Variants in IL2RB observed in about 807,000 individuals in gnomAD.
IL2RB encodes interleukin-2 receptor subunit beta.
IL2RB carries 17 observed loss-of-function variants against 44.2 expected under a neutral mutation model. That is an observed-to-expected ratio of 0.38 (90% confidence interval 0.26 to 0.58). The LOEUF is 0.58. Among genes scored for constraint, IL2RB ranks in the 20% least tolerant of loss-of-function variants. IL2RB has a pLI of 0.63. For synonymous variants in IL2RB, 286 were observed against 297.9 expected, an observed-to-expected ratio of 0.96 and a Z score of 0.41; for missense variants, 624 against 685.5, an observed-to-expected ratio of 0.91 and a Z score of 1.00.
chr22:37,128,932 C>T lies in IL2RB; in HGVS notation c.904-84G>A, dbSNP rs1165862551. ...CCTCTGGACTCTCAACAGCTCCTAACTCCTCCTCCTCCTGAAGCAGTTGGC... is the reference window on the plus strand; with the variant it reads ...CCTCTGGACTCTCAACAGCTCCTAATTCCTCCTCCTCCTGAAGCAGTTGGC... On this transcript the variant is annotated intron_variant, in intron 9 of 9. Transcript: ENST00000216223. The surrounding 1 kb of genome is among the most constrained non-coding windows in gnomAD (Gnocchi z 4.5). 9.8e-6 allele frequency: 14 copies of T among 1,423,308 alleles called. No homozygotes were observed. Among genetic ancestry groups the T allele is most frequent in the Non-Finnish European group, 1.3e-5 (14 of 1,066,722 alleles). The allele number at this position is 1,423,308 out of a possible 1,614,324, so 88.2% of individuals were successfully genotyped here.
intron 9 of IL2RB, among the ~76,000 whole-genome samples, chr22:37,129,933 A>T (rs1921340199): frequency 6.6e-6 from 1 of 152,154 alleles, no homozygotes; most frequent in African/African-American, 2.4e-5. Context: ...GGCGGGTCTC[A>T]TGGATCTATT....
At chr22:37,168,209 C>T (rs942510123) in intron 1 of IL2RB, among the ~76,000 whole-genome samples, 2 of 152,162 alleles carry the variant, frequency 1.3e-5, no homozygotes, top group Non-Finnish European at 2.9e-5. Context: ...CTGGCTAAGA[C>T]GTTATTAAAG....
At chr22:37,149,725 C>T in intron 1 of IL2RB, 100 bp downstream of exon 1, 1 of 479,676 alleles carries the variant, frequency 2.1e-6, no homozygotes, top group Non-Finnish European at 2.7e-6. Context: ...GCAGAAACTG[C>T]TGGGGGAACT....
At chr22:37,134,222 G>T (rs228952) in intron 8 of IL2RB, among the ~76,000 whole-genome samples, 26,991 of 152,086 alleles carry the variant, frequency 0.18, 2,916 homozygotes, top group African/African-American at 0.29. Flanking sequence ...CATTTACATG[G>T]TATTAGGTAT....
In IL2RB at chr22:37,125,871, C is replaced by T. The variant is rs1049716392; in HGVS notation, c.*2225G>A. On this transcript the variant is annotated 3_prime_UTR_variant, in exon 10 of 10. Coordinates refer to ENST00000216223, the MANE Select transcript of IL2RB (RefSeq NM_000878.5). Reference sequence around the variant, plus strand: ...CATTGTACTTATTTTGTACAGTTACCTTTTATTTATAGCGAAAATGGGTTT... The same window carrying T: ...CATTGTACTTATTTTGTACAGTTACTTTTTATTTATAGCGAAAATGGGTTT... 24 of 152,024 alleles carry T rather than the reference C, an allele frequency of 1.6e-4. No homozygotes were observed. Among genetic ancestry groups the T allele is most frequent in the African/African-American group, 5.8e-4 (24 of 41,354 alleles). The allele number at this position is 152,024 out of a possible 1,614,324, so 9.4% of individuals were successfully genotyped here.
chr22:37,135,793 G>A lies in IL2RB; in HGVS notation c.704-351C>T, dbSNP rs527426524. ...TTAGAGGACCCCAGGTCTTGCTTGG[G>A]CTTGAACTCGAAATGTGGTGCGATG... is the stretch of plus-strand genomic sequence containing the variant. On this transcript the variant is annotated intron_variant, in intron 7 of 9. Coordinates refer to ENST00000216223, the MANE Select transcript of IL2RB (RefSeq NM_000878.5). 4.0e-3 allele frequency among the ~76,000 whole-genome samples: 611 copies of A among 152,074 alleles called. 5 individuals are homozygous for A. The highest frequency in any genetic ancestry group is 0.014 in the African/African-American group (591 of 41,468).
Position 37,127,815 on chromosome 22 carries a change from A to C in IL2RB, c.*281T>G. 3.3e-6 allele frequency: 1 copy of C among 299,528 alleles called. No individual in the cohort carries two copies. Among genetic ancestry groups the C allele is most frequent in the Non-Finnish European group, 6.2e-6 (1 of 162,156 alleles). 18.6% of individuals were successfully genotyped at this position (299,528 alleles called of 1,614,324 possible). ...GGAGAGGAGCGATGCTTCTGAGCCT[A>C]AATTCGTGGGATCCTGTGATTAACG... On this transcript the variant is annotated 3_prime_UTR_variant, in exon 10 of 10. Transcript: ENST00000216223.
intron 1 of IL2RB, among the ~76,000 whole-genome samples, chr22:37,165,712 A>ATTTTT (rs1307420467): frequency 6.6e-6 from 1 of 151,362 alleles, no homozygotes; most frequent in Non-Finnish European, 1.5e-5. Context: ...ATTTAATTTT[A>ATTTTT]TTATTGTTTG....
intron 1 of IL2RB, among the ~76,000 whole-genome samples, chr22:37,156,458 G>A (rs913957976): frequency 6.6e-6 from 1 of 152,192 alleles, no homozygotes; most frequent in East Asian, 1.9e-4. Context: ...GTGGCTTTAT[G>A]ATGTCAGGAT....
chr22:37,158,141 A>G (rs1922742823), intron 1 of IL2RB, among the ~76,000 whole-genome samples: 1 of 152,176 alleles, frequency 6.6e-6, no homozygotes, highest in Admixed American at 6.5e-5. Context: ...GTGTGTACAA[A>G]GTAACTCCTG....
intron 1 of IL2RB, among the ~76,000 whole-genome samples, chr22:37,158,627 C>T (rs1023420053): frequency 2.0e-5 from 3 of 152,114 alleles, no homozygotes; most frequent in Admixed American, 6.5e-5. Context: ...GGAGAAGAGA[C>T]AAAAAACGAA....
At chr22:37,144,517 G>C (rs1336324499) in intron 1 of IL2RB, among the ~76,000 whole-genome samples, 1 of 152,228 alleles carries the variant, frequency 6.6e-6, no homozygotes, top group Non-Finnish European at 1.5e-5. Context: ...GGTCGAGGCA[G>C]ACGAATCACC....
intron 1 of IL2RB, among the ~76,000 whole-genome samples, chr22:37,173,808 G>T (rs1923364431): frequency 6.6e-6 from 1 of 152,190 alleles, no homozygotes; most frequent in Non-Finnish European, 1.5e-5. Flanking sequence ...TAGCCCTGCT[G>T]CCCCAAGAGC....
chr22:37,158,553 G>A (rs1043435855), intron 1 of IL2RB, among the ~76,000 whole-genome samples: 26 of 152,062 alleles, frequency 1.7e-4, no homozygotes, highest in African/African-American at 4.8e-4. Flanking sequence ...GCAAGACTCC[G>A]TCTAAAAAAA....
At chr22:37,155,355 G>A (rs951738975) in intron 1 of IL2RB, among the ~76,000 whole-genome samples, 3 of 152,068 alleles carry the variant, frequency 2.0e-5, no homozygotes, top group East Asian at 1.9e-4. Flanking sequence ...CTCAAATCAC[G>A]TCATTTCACC....
rs112662718 is a variant in IL2RB at position 37,149,874 on chromosome 22, G to A, written c.-83C>T. ...AGCGCGCGCTCTCCAGTCCTCCCCG[G>A]TGCTGGGACCGTGGCCATCTCTCCA... is the stretch of plus-strand genomic sequence containing the variant. On this transcript the variant is annotated 5_prime_UTR_variant, in exon 1 of 10. Transcript: ENST00000216223. The A allele has an allele frequency of 5.6e-5, 55 of 985,658 alleles. No homozygotes were observed. In the African/African-American group the frequency reaches 8.2e-4, roughly 15 times the overall value. 61.1% of individuals were successfully genotyped at this position (985,658 alleles called of 1,614,324 possible). A position where few individuals can be genotyped will look rare whatever the true frequency, so the allele number is the denominator to read the frequency against.
intron 4 of IL2RB, among the ~76,000 whole-genome samples, chr22:37,140,561 G>A (rs1335526437): frequency 6.6e-6 from 1 of 152,014 alleles, no homozygotes; most frequent in African/African-American, 2.4e-5. Flanking sequence ...CAGAAACCAG[G>A]CCACCTACAG....
At position 37,126,892 on chromosome 22, in the gene IL2RB, G is replaced by C. The variant is rs1333811356; in HGVS notation, c.*1204C>G. 1 of 152,290 alleles carries C rather than the reference G, an allele frequency of 6.6e-6. No individual in the cohort carries two copies. Among genetic ancestry groups the C allele is most frequent in the Non-Finnish European group, 1.5e-5 (1 of 68,128 alleles). The allele number at this position is 152,290 out of a possible 1,614,324, so 9.4% of individuals were successfully genotyped here. A position where few individuals can be genotyped will look rare whatever the true frequency, so the allele number is the denominator to read the frequency against. On this transcript the variant is annotated 3_prime_UTR_variant, in exon 10 of 10. Transcript: ENST00000216223. ...GGGAGCCCAGACGAGGTGGTGCCAG[G>C]TAATTAATTCGTTCATCCAGGGTAT... is the stretch of plus-strand genomic sequence containing the variant.
chr22:37,146,750 G>A (rs1401153569), intron 1 of IL2RB, among the ~76,000 whole-genome samples: 1 of 152,204 alleles, frequency 6.6e-6, no homozygotes, highest in Admixed American at 6.5e-5. Flanking sequence ...CACAGGGCCG[G>A]GCACACAGTC....
Sources: gnomAD v4.1 joint callset for allele counts (sites outside exome capture counted in the v4.1 genomes callset) on GRCh38, gnomAD v4.1.1 for gene constraint, Gnocchi (gnomAD v3.1) non-coding constraint, MANE v1.5 for transcripts, NCBI Gene and HGNC (gene_info 2026-07-23, HGNC 2026-07-21) for gene names.